Variants in ATP6V0D1 observed in about 807,000 individuals in gnomAD.
ATP6V0D1 encodes ATPase H+ transporting V0 subunit d1, also known as V-type proton ATPase subunit d 1.
Under a neutral mutation model 39.0 loss-of-function variants are expected in ATP6V0D1, and 13 were observed. The observed-to-expected ratio is 0.33, with a 90% CI of 0.22 to 0.53. The LOEUF (loss-of-function observed/expected upper bound fraction) is 0.53. Among genes scored for constraint, ATP6V0D1 ranks in the 20% least tolerant of loss-of-function variants. ATP6V0D1 has a pLI of 0.94. For missense variants in ATP6V0D1, 272 were observed against 470.9 expected (o/e 0.58, Z 3.91); for synonymous variants, 191 against 191.2 (o/e 1.00, Z 0.01).
intron 1 of ATP6V0D1, among the ~76,000 whole-genome samples, chr16:67,470,948 C>T (rs2041368009): frequency 6.6e-6 from 1 of 152,192 alleles, no homozygotes; most frequent in Non-Finnish European, 1.5e-5. Context: ...CACTCCAGCC[C>T]TGGTTAGTCC....
At chr16:67,455,512 C>T (rs1157988230) in intron 1 of ATP6V0D1, 1 of 152,180 alleles carries the variant, frequency 6.6e-6, no homozygotes, top group Admixed American at 6.5e-5. Context: ...GAGTGAACTT[C>T]AACCTCCTGA....
chr16:67,458,602 C>T lies in ATP6V0D1; in HGVS notation c.131-4887G>A, dbSNP rs2041262681. Among the ~76,000 whole-genome samples, 4 of 152,202 alleles carry T rather than the reference C, an allele frequency of 2.6e-5. No individual in the cohort carries two copies. The South Asian group carries it at 8.3e-4, about 31-fold the overall frequency. On this transcript the variant is annotated intron_variant, in intron 1 of 7. Transcript: ENST00000290949. ...GCCCAGCTGTCTACCCCAAATCCTC[C>T]CATCCATGGCCCAACAACAGGAATG...
At chr16:67,459,227 A>C in intron 1 of ATP6V0D1, 5 of 985,500 alleles carry the variant, frequency 5.1e-6, no homozygotes, top group Non-Finnish European at 6.0e-6. Flanking sequence ...TGCAGGAAAT[A>C]GTGCTGCTTT....
chr16:67,467,950 T>C (rs1165761798), intron 1 of ATP6V0D1, among the ~76,000 whole-genome samples: 1 of 152,154 alleles, frequency 6.6e-6, no homozygotes, highest in Non-Finnish European at 1.5e-5. Flanking sequence ...ATGGGTGGCC[T>C]GACAGAAGGC....
intron 3 of ATP6V0D1, among the ~76,000 whole-genome samples, chr16:67,443,666 G>A (rs2041081000): frequency 6.6e-6 from 1 of 152,204 alleles, no homozygotes; most frequent in Admixed American, 6.5e-5. Flanking sequence ...TGTGGGGTTG[G>A]AAAGAGAGGC....
intron 2 of ATP6V0D1, among the ~76,000 whole-genome samples, chr16:67,450,794 A>G (rs2142310012): frequency 6.6e-6 from 1 of 152,316 alleles, no homozygotes; most frequent in African/African-American, 2.4e-5. Flanking sequence ...AGGAATGCAA[A>G]TGAGTGGCCA....
chr16:67,444,421 T>C lies in ATP6V0D1; in HGVS notation c.481+107A>G, dbSNP rs2041090807. 1 of 1,223,472 alleles carries C rather than the reference T, an allele frequency of 8.2e-7. No homozygotes were observed. Among genetic ancestry groups the C allele is most frequent in the African/African-American group, 1.5e-5 (1 of 65,692 alleles). 75.8% of individuals were successfully genotyped at this position (1,223,472 alleles called of 1,614,324 possible). A position where few individuals can be genotyped will look rare whatever the true frequency, so the allele number is the denominator to read the frequency against. On this transcript the variant is annotated intron_variant, in intron 3 of 7. Coordinates refer to ENST00000290949, the MANE Select transcript of ATP6V0D1 (RefSeq NM_004691.5). This position sits in a 1 kb window ranked among gnomAD's most constrained non-coding sequence, Gnocchi z 4.8. ...ACAAAGGTAAGCAGCAGTGGGCAGG[T>C]CTCACTTTCTGGCTCAGGGTCGCCC...
At chr16:67,443,261 T>G (rs1243112957) in intron 3 of ATP6V0D1, 83 bp from the exon 4 acceptor site, 1 of 1,425,714 alleles carries the variant, frequency 7.0e-7, no homozygotes, top group East Asian at 2.3e-5. Context: ...CGGCACAGAG[T>G]GCCCGTGCCA....
intron 1 of ATP6V0D1, among the ~76,000 whole-genome samples, chr16:67,460,595 A>C (rs2041281579): frequency 6.6e-6 from 1 of 152,094 alleles, no homozygotes; most frequent in Non-Finnish European, 1.5e-5. Context: ...CTCTCTGCAA[A>C]CCTCACGTAA....
chr16:67,454,272 G>A (rs775778209), intron 1 of ATP6V0D1, among the ~76,000 whole-genome samples: 4 of 152,216 alleles, frequency 2.6e-5, no homozygotes, highest in Non-Finnish European at 5.9e-5. Flanking sequence ...AAGTACAAAG[G>A]AAACAGCCAG....
Position 67,447,624 on chromosome 16 carries a change from G to A in ATP6V0D1, c.303-2918C>T, listed in dbSNP as rs2041132835. ...AGAGGCCCTTGTGGGGTGGGGGTGGGGCCGTCTGTATTCCTCTGCCCAGAG... is the reference window on the plus strand; with the variant it reads ...AGAGGCCCTTGTGGGGTGGGGGTGGAGCCGTCTGTATTCCTCTGCCCAGAG... On this transcript the variant is annotated intron_variant, in intron 2 of 7. Transcript: ENST00000290949. The surrounding 1 kb of genome is among the most constrained non-coding windows in gnomAD (Gnocchi z 4.1). 6.6e-6 allele frequency among the ~76,000 whole-genome samples: 1 copy of A among 152,176 alleles called. No individual in the cohort carries two copies. The highest frequency in any genetic ancestry group is 2.1e-4 in the South Asian group (1 of 4,826).
At chr16:67,463,692 GTC>G (rs1386011075) in intron 1 of ATP6V0D1, among the ~76,000 whole-genome samples, 1 of 152,226 alleles carries the variant, frequency 6.6e-6, no homozygotes, top group East Asian at 1.9e-4. Flanking sequence ...AAGAGGCTTG[GTC>G]CAGGCAAGAA....
rs1390138049 is a variant in ATP6V0D1, at chr16:67,443,125, C to T, written c.535G>A (p.Glu179Lys). 6.2e-7 allele frequency: 1 copy of T among 1,613,844 alleles called. No individual in the cohort carries two copies. Among genetic ancestry groups the T allele is most frequent in the South Asian group, 1.1e-5 (1 of 91,066 alleles). ...TTGTAGAGGGTGTTGCGGATGATCT[C>T]GATGTTCATCTCGTCAAGGTCCTGC... ...SEQDLDEMNI[E>K]IIRNTLYKAY... is the part of the protein sequence containing the mutation. Residue 179 changes from glutamate to lysine, a missense_variant, in exon 4 of 8, where the codon GAG (glutamate) becomes AAG (lysine). This residue lies in a region of ATP6V0D1 where 135 missense variants were observed against 273.8 expected (regional missense o/e 0.49). Coordinates refer to ENST00000290949, the MANE Select transcript of ATP6V0D1 (RefSeq NM_004691.5).
In ATP6V0D1 at chr16:67,443,096, T is replaced by C; in HGVS notation, c.561+3A>G. ...ATCCCCCATGGCTTGTGTGGGGCAT[T>C]ACCTTGTAGAGGGTGTTGCGGATGA... On this transcript the variant is annotated splice_donor_region_variant and intron_variant, in intron 4 of 7. Transcript: ENST00000290949. The C allele has an allele frequency of 6.2e-7, 1 of 1,613,470 alleles. No individual in the cohort carries two copies. Among genetic ancestry groups the C allele is most frequent in the South Asian group, 1.1e-5 (1 of 91,042 alleles).
intron 4 of ATP6V0D1, among the ~76,000 whole-genome samples, 177 bp downstream of exon 4, chr16:67,442,922 T>C (rs1218754946): frequency 6.6e-6 from 1 of 152,192 alleles, no homozygotes; most frequent in Non-Finnish European, 1.5e-5. Flanking sequence ...ATGGAGAACC[T>C]GTTCCACACA....
At position 67,438,495 on chromosome 16, in the gene ATP6V0D1, A is replaced by G. The variant is rs529386375; in HGVS notation, c.*33T>C. On this transcript the variant is annotated 3_prime_UTR_variant, in exon 8 of 8. Transcript: ENST00000290949. Reference sequence around the variant, plus strand: ...CGCGCACACACACACACACACACACAAAGAGTGCAATTGAGAGCCTTGGGC... The same window carrying G: ...CGCGCACACACACACACACACACACGAAGAGTGCAATTGAGAGCCTTGGGC... 4.3e-6 allele frequency: 7 copies of G among 1,611,458 alleles called. No homozygotes were observed. In the South Asian group the frequency reaches 7.7e-5, roughly 18 times the overall value.
intron 2 of ATP6V0D1, among the ~76,000 whole-genome samples, chr16:67,446,771 C>G (rs2041121602): frequency 6.6e-6 from 1 of 152,152 alleles, no homozygotes; most frequent in South Asian, 2.1e-4. Context: ...TCCCCTGCCC[C>G]CAAGCAGAAG....
chr16:67,458,928 A>T, intron 1 of ATP6V0D1: 1 of 452,900 alleles, frequency 2.2e-6, no homozygotes, highest in Non-Finnish European at 2.9e-6. Context: ...TCTGCCCCAC[A>T]TCTTGGCTCC....
intron 2 of ATP6V0D1, among the ~76,000 whole-genome samples, chr16:67,445,547 G>A (rs2041105513): frequency 1.3e-5 from 2 of 152,222 alleles, no homozygotes; most frequent in Admixed American, 1.3e-4. Context: ...TCTTCTTTTA[G>A]GGCCTGAGGC....
Sources: gnomAD v4.1 joint callset for allele counts (sites outside exome capture counted in the v4.1 genomes callset) on GRCh38, gnomAD v4.1.1 for gene constraint, gnomAD v4.1.1 regional missense constraint, Gnocchi (gnomAD v3.1) non-coding constraint, MANE v1.5 for transcripts, NCBI Gene and HGNC (gene_info 2026-07-23, HGNC 2026-07-21) for gene names.